The following MIPEP variants were observed in gnomAD, a reference collection of about 807,000 sequenced individuals.
MIPEP encodes mitochondrial intermediate peptidase.
In MIPEP, 79 loss-of-function variants were observed where a neutral mutation model predicts 90.3. That is an observed-to-expected ratio of 0.87 (90% CI 0.73 to 1.05). The LOEUF is 1.05. Among genes scored for constraint, MIPEP ranks in the 50% least tolerant of loss-of-function variants. The probability of loss-of-function intolerance (pLI) is 0.00; values close to 1 mark genes in which losing one functional copy is unlikely to be tolerated. For synonymous variants in MIPEP, 334 were observed against 315.8 expected (o/e 1.06, Z -0.61); for missense variants, 940 against 905.6 (o/e 1.04, Z -0.49).
intron 10 of MIPEP, among the ~76,000 whole-genome samples, chr13:23,850,851 C>A (rs1019834632): frequency 6.6e-6 from 1 of 151,614 alleles, no homozygotes; most frequent in African/African-American, 2.4e-5. Flanking sequence ...CTATGTGCTG[C>A]CTCTTGCTTT....
At position 23,849,862 on chromosome 13, in the gene MIPEP, G is replaced by A. The variant is rs116312974; in HGVS notation, c.1107-8374C>T. ...TCAGACTTATATTTCAACCTCTGAC[G>A]CACCTGGAATTAAGGTAAAGAAAGA... On this transcript the variant is annotated intron_variant, in intron 10 of 18. Transcript: ENST00000382172. Among the ~76,000 whole-genome samples, 659 of 152,270 alleles carry A rather than the reference G, an allele frequency of 4.3e-3. 3 individuals are homozygous for A. The highest frequency in any genetic ancestry group is 0.015 in the African/African-American group (611 of 41,542).
At chr13:23,877,301 G>A (rs563129693) in intron 4 of MIPEP, among the ~76,000 whole-genome samples, 4 of 151,992 alleles carry the variant, frequency 2.6e-5, no homozygotes, top group Non-Finnish European at 5.9e-5. Flanking sequence ...CATTTCGGTC[G>A]CTTGCATGCT....
At chr13:23,840,112 A>G (rs1869229712) in intron 11 of MIPEP, among the ~76,000 whole-genome samples, 1 of 152,160 alleles carries the variant, frequency 6.6e-6, no homozygotes, top group African/African-American at 2.4e-5. Context: ...GCAAATTATA[A>G]CCCTTGAATT....
chr13:23,756,591 C>A lies in MIPEP; in HGVS notation c.1998G>T (p.Glu666Asp). The A allele has an allele frequency of 1.2e-6, 2 of 1,613,824 alleles. No individual in the cohort carries two copies. The highest frequency in any genetic ancestry group is 1.7e-6 in the Non-Finnish European group (2 of 1,180,032). Residue 666 changes from glutamate (E) to aspartate (D), a missense_variant, in exon 18 of 19, where the codon GAG becomes GAT. Physicochemically the swap from Glu to Asp is conservative, Grantham distance 45. Coordinates refer to ENST00000382172, the MANE Select transcript of MIPEP (RefSeq NM_005932.4). Reference protein sequence around the residue: ...NRAAGERYRREMLAHGGGREP... With the variant: ...NRAAGERYRRDMLAHGGGREP... ...CCCTGCCTCCACCGTGGGCCAGCAT[C>A]TCCCTGCGATAGCGCTCCCCGGCAG... is the stretch of plus-strand genomic sequence containing the variant.
chr13:23,759,649 C>G (rs867967292), intron 17 of MIPEP, among the ~76,000 whole-genome samples: 1 of 152,168 alleles, frequency 6.6e-6, no homozygotes, highest in African/African-American at 2.4e-5. Flanking sequence ...GAAAGCAGGA[C>G]TACTGATCCT....
intron 16 of MIPEP, among the ~76,000 whole-genome samples, chr13:23,795,890 G>A (rs1475825508): frequency 6.6e-6 from 1 of 151,400 alleles, no homozygotes; most frequent in Non-Finnish European, 1.5e-5. Context: ...TAGCTACCTG[G>A]GAAACCGAGA....
intron 16 of MIPEP, among the ~76,000 whole-genome samples, chr13:23,777,037 C>A (rs980464499): frequency 2.6e-5 from 4 of 152,022 alleles, no homozygotes; most frequent in African/African-American, 9.7e-5. Context: ...GTAAACAGTT[C>A]AAGGACAGAT....
chr13:23,841,421 T>C lies in MIPEP; in HGVS notation c.1174A>G (p.Ile392Val). Residue 392 changes from isoleucine to valine, a missense_variant, in exon 11 of 19, where the codon ATT becomes GTT. Physicochemically the swap from Ile to Val is conservative, Grantham distance 29. Coordinates refer to ENST00000382172, the MANE Select transcript of MIPEP (RefSeq NM_005932.4). ...SLGACMEGLN[I>V]LLNRLLGISL... ...ATCCCCAACAGTCTGTTAAGCAAAA[T>C]ATTCAGGCCTTCCATGCATGCTCCA... 1.2e-6 allele frequency: 2 copies of C among 1,614,094 alleles called. No homozygotes were observed. Among genetic ancestry groups the C allele is most frequent in the Non-Finnish European group, 1.7e-6 (2 of 1,180,006 alleles).
In MIPEP at chr13:23,867,643, G is replaced by A. The variant is rs928035058; in HGVS notation, c.943+1649C>T. 2.0e-5 allele frequency among the ~76,000 whole-genome samples: 3 copies of A among 152,196 alleles called. 1 individual carries two copies. Among genetic ancestry groups the A allele is most frequent in the South Asian group, 4.2e-4 (2 of 4,812 alleles). ...TGTACACTGACTTATTTCCCTGACC[G>A]AGAATAATATCTGACATACAGTGGG... On this transcript the variant is annotated intron_variant, in intron 7 of 18. Coordinates refer to ENST00000382172, the MANE Select transcript of MIPEP (RefSeq NM_005932.4).
chr13:23,833,514 T>G (rs1474587713), intron 14 of MIPEP, among the ~76,000 whole-genome samples: 2 of 152,210 alleles, frequency 1.3e-5, no homozygotes, highest in African/African-American at 4.8e-5. Context: ...GATTTTGGGT[T>G]TACTCTTGTT....
intron 10 of MIPEP, among the ~76,000 whole-genome samples, chr13:23,846,289 A>G (rs577732090): frequency 1.2e-4 from 19 of 152,112 alleles, no homozygotes; most frequent in African/African-American, 4.6e-4. Flanking sequence ...AATGCATACA[A>G]TGGGGGAATA....
At chr13:23,768,131 T>C (rs943786924) in intron 16 of MIPEP, among the ~76,000 whole-genome samples, 6 of 116,428 alleles carry the variant, frequency 5.2e-5, no homozygotes, top group African/African-American at 1.6e-4. Context: ...ATCACCACCT[T>C]GGACTCAAAG....
chr13:23,848,155 C>T (rs1046549251), intron 10 of MIPEP, among the ~76,000 whole-genome samples: 14 of 152,158 alleles, frequency 9.2e-5, no homozygotes, highest in Admixed American at 2.0e-4. Context: ...AAATACTTTC[C>T]AGGCTCCATT....
chr13:23,740,209 C>G (rs1952311348), intron 18 of MIPEP, among the ~76,000 whole-genome samples: 1 of 152,188 alleles, frequency 6.6e-6, no homozygotes, highest in African/African-American at 2.4e-5. Flanking sequence ...GGTGGGCCAA[C>G]AAATGAGGAA....
chr13:23,796,609 G>A (rs568083810), intron 16 of MIPEP, among the ~76,000 whole-genome samples: 23 of 150,228 alleles, frequency 1.5e-4, no homozygotes, highest in African/African-American at 5.6e-4. Context: ...AAAACTCCAC[G>A]TAGTAAATGT....
intron 10 of MIPEP, among the ~76,000 whole-genome samples, chr13:23,848,292 G>A (rs533550548): frequency 6.6e-6 from 1 of 152,088 alleles, no homozygotes; most frequent in Non-Finnish European, 1.5e-5. Flanking sequence ...TAAACCCAGC[G>A]GTTTCTACTT....
chr13:23,803,681 T>C (rs1484971084), intron 16 of MIPEP, among the ~76,000 whole-genome samples: 1 of 152,210 alleles, frequency 6.6e-6, no homozygotes, highest in Non-Finnish European at 1.5e-5. Context: ...TACACCAGTG[T>C]TAGACTGTCT....
chr13:23,885,228 G>A (rs912725932), intron 2 of MIPEP, among the ~76,000 whole-genome samples: 3 of 152,144 alleles, frequency 2.0e-5, no homozygotes, highest in Middle Eastern at 3.2e-3. Flanking sequence ...ACTCACTTGT[G>A]GGACCTAAAA....
At chr13:23,834,448 C>T (rs1868929777) in intron 14 of MIPEP, among the ~76,000 whole-genome samples, 1 of 152,196 alleles carries the variant, frequency 6.6e-6, no homozygotes, top group Non-Finnish European at 1.5e-5. Context: ...ACACCCTAGT[C>T]AGGCTCTGTC....
Sources: allele counts gnomAD v4.1 joint callset (sites outside exome capture counted in the v4.1 genomes callset), GRCh38; gene constraint gnomAD v4.1.1; transcripts MANE v1.5; gene names NCBI Gene and HGNC (gene_info 2026-07-23, HGNC 2026-07-21).